The following CTNNA3 variants were observed in gnomAD, a reference collection of about 807,000 sequenced individuals.
CTNNA3 encodes catenin alpha 3.
CTNNA3 carries 76 observed loss-of-function variants against 95.7 expected under a neutral mutation model. The observed-to-expected ratio is 0.79, with a 90% CI of 0.66 to 0.96. The LOEUF is 0.96. CTNNA3 is among the 40% of genes least tolerant of loss of function. CTNNA3 has a pLI of 0.00. For missense variants in CTNNA3, 1,191 were observed against 1,089.8 expected (o/e 1.09, Z -1.31); for synonymous variants, 431 against 374.4 (o/e 1.15, Z -1.74).
At chr10:67,167,077 A>G (rs991531958) in intron 7 of CTNNA3, among the ~76,000 whole-genome samples, 1 of 152,014 alleles carries the variant, frequency 6.6e-6, no homozygotes, top group Non-Finnish European at 1.5e-5. Context: ...ATGGCACTCC[A>G]GCCTGGGTGA....
chr10:67,209,072 CAG>C (rs1177777447), intron 6 of CTNNA3, among the ~76,000 whole-genome samples: 2 of 152,078 alleles, frequency 1.3e-5, no homozygotes, highest in African/African-American at 4.8e-5. Context: ...GTTGTTAAGA[CAG>C]AGTCTCACTC....
At chr10:67,724,111 T>C (rs1307087747) in intron 1 of CTNNA3, among the ~76,000 whole-genome samples, 1 of 152,190 alleles carries the variant, frequency 6.6e-6, no homozygotes, top group Non-Finnish European at 1.5e-5. Context: ...CATTATTCTT[T>C]CCACTTTTTC....
intron 7 of CTNNA3, among the ~76,000 whole-genome samples, chr10:67,108,558 A>G (rs1336751327): frequency 1.3e-5 from 2 of 152,356 alleles, no homozygotes; most frequent in East Asian, 3.9e-4. Context: ...TGAATAAATA[A>G]TTGTGACTCA....
chr10:66,530,003 A>G (rs16923223), intron 10 of CTNNA3, among the ~76,000 whole-genome samples: 6,633 of 152,286 alleles, frequency 0.044, 195 homozygotes, highest in South Asian at 0.066. Context: ...TCAGATTTTA[A>G]CATTTGATTT....
intron 13 of CTNNA3, among the ~76,000 whole-genome samples, chr10:66,209,476 T>A (rs1240742236): frequency 6.6e-6 from 1 of 151,966 alleles, no homozygotes; most frequent in Non-Finnish European, 1.5e-5. Context: ...GAGAGAGAGG[T>A]CATGTCATGC....
intron 7 of CTNNA3, among the ~76,000 whole-genome samples, chr10:66,985,409 A>G (rs889086292): frequency 1.3e-5 from 2 of 152,168 alleles, no homozygotes; most frequent in South Asian, 2.1e-4. Flanking sequence ...AGGGTGCCCA[A>G]CAGGAACCTG....
chr10:67,312,926 A>G (rs1009712586), intron 5 of CTNNA3, among the ~76,000 whole-genome samples: 1 of 152,202 alleles, frequency 6.6e-6, no homozygotes. Context: ...AATTAAAGTC[A>G]AAGTACCATA....
At chr10:67,639,186 C>G (rs1285086597) in intron 2 of CTNNA3, among the ~76,000 whole-genome samples, 3 of 152,138 alleles carry the variant, frequency 2.0e-5, no homozygotes, top group African/African-American at 4.8e-5. Flanking sequence ...CACCGCCAAT[C>G]CCACAGAAAT....
chr10:66,693,528 CA>C (rs2132546459), intron 9 of CTNNA3, among the ~76,000 whole-genome samples: 1 of 151,616 alleles, frequency 6.6e-6, no homozygotes, highest in South Asian at 2.1e-4. Flanking sequence ...TTTAACACCC[CA>C]CTGTCAACAT....
Position 66,639,105 on chromosome 10 carries a change from TTGC to T in CTNNA3, c.1282-17324_1282-17322del, listed in dbSNP as rs571488822. Among the ~76,000 whole-genome samples, 364 of 152,250 alleles carry T rather than the reference TTGC, an allele frequency of 2.4e-3. 3 individuals carry two copies. Among genetic ancestry groups the T allele is most frequent in the African/African-American group, 8.3e-3 (346 of 41,530 alleles). On this transcript the variant is annotated intron_variant, in intron 9 of 17. Coordinates refer to ENST00000433211, the MANE Select transcript of CTNNA3 (RefSeq NM_013266.4). The stretch of plus-strand genomic sequence containing the variant: ...CGTTTAGTAAATTGAATAGAATATT[TTGC>T]TATAATGCAGTAAGTGTACCTGAAA...
chr10:66,922,831 G>T (rs1313562612), intron 7 of CTNNA3, among the ~76,000 whole-genome samples: 2 of 151,646 alleles, frequency 1.3e-5, no homozygotes, highest in East Asian at 3.9e-4. Context: ...ATTTTTGTGG[G>T]TACATAGTAA....
chr10:66,945,841 G>A (rs912546232), intron 7 of CTNNA3, among the ~76,000 whole-genome samples: 1 of 152,132 alleles, frequency 6.6e-6, no homozygotes, highest in African/African-American at 2.4e-5. Context: ...GAGGCCCACA[G>A]TAAGGGAGGG....
At chr10:67,420,851 T>TAA (rs1173299308) in intron 5 of CTNNA3, among the ~76,000 whole-genome samples, 2 of 152,178 alleles carry the variant, frequency 1.3e-5, no homozygotes, top group Non-Finnish European at 2.9e-5. Flanking sequence ...TTAATACGTA[T>TAA]AAAGTTCAGG....
At chr10:67,241,804 T>C (rs1865724325) in intron 5 of CTNNA3, among the ~76,000 whole-genome samples, 1 of 152,212 alleles carries the variant, frequency 6.6e-6, no homozygotes, top group Non-Finnish European at 1.5e-5. Context: ...AATGGACATT[T>C]GTCAAAAGGC....
At chr10:67,008,814 CT>C (rs1039394071) in intron 7 of CTNNA3, among the ~76,000 whole-genome samples, 1 of 152,094 alleles carries the variant, frequency 6.6e-6, no homozygotes, top group African/African-American at 2.4e-5. Flanking sequence ...GCATAAGAAT[CT>C]TTTTAAGTCT....
chr10:66,137,236 A>G (rs2083401999), intron 13 of CTNNA3, among the ~76,000 whole-genome samples: 1 of 152,180 alleles, frequency 6.6e-6, no homozygotes, highest in African/African-American at 2.4e-5. Context: ...GTGCAACGCA[A>G]TGAGGATACA....
At chr10:66,629,818 T>C (rs10997271) in intron 9 of CTNNA3, among the ~76,000 whole-genome samples, 62,082 of 151,898 alleles carry the variant, frequency 0.41, 12,906 homozygotes, top group Middle Eastern at 0.55. Flanking sequence ...GAATGCTCTC[T>C]TCCTCCCTTT....
rs149645541 is a variant in CTNNA3 at position 66,229,180 on chromosome 10, T to G, written c.1884+51290A>C. Reference sequence around the variant, plus strand: ...AATTTACTCCTGTTCTTTTGTTAATTGTTTACTGGTTGTGTTGTAAACCCT... The same window carrying G: ...AATTTACTCCTGTTCTTTTGTTAATGGTTTACTGGTTGTGTTGTAAACCCT... On this transcript the variant is annotated intron_variant, in intron 13 of 17. Coordinates refer to ENST00000433211, the MANE Select transcript of CTNNA3 (RefSeq NM_013266.4). Among the ~76,000 whole-genome samples the G allele has an allele frequency of 2.7e-3, 415 of 152,340 alleles. 2 individuals are homozygous for G. Among genetic ancestry groups the G allele is most frequent in the Non-Finnish European group, 4.7e-3 (323 of 68,012 alleles).
chr10:66,497,804 A>G (rs962894794), intron 11 of CTNNA3, among the ~76,000 whole-genome samples: 1 of 152,104 alleles, frequency 6.6e-6, no homozygotes, highest in African/African-American at 2.4e-5. Flanking sequence ...CCATCTTCCA[A>G]CATATCATTT....
Sources: gnomAD v4.1 joint callset for allele counts (sites outside exome capture counted in the v4.1 genomes callset) on GRCh38, gnomAD v4.1.1 for gene constraint, MANE v1.5 for transcripts, NCBI Gene and HGNC (gene_info 2026-07-23, HGNC 2026-07-21) for gene names.